The following CMKLR2 variants were observed in gnomAD, a reference collection of about 807,000 sequenced individuals.
CMKLR2 encodes the protein chemerin-like receptor 2.
Under a neutral mutation model 23.0 loss-of-function variants are expected in CMKLR2, and 18 were observed. The observed-to-expected ratio is 0.78, with a 90% CI of 0.54 to 1.16. The LOEUF (loss-of-function observed/expected upper bound fraction) is 1.16. Among genes scored for constraint, CMKLR2 ranks in the 50% most tolerant of loss-of-function variants. The probability of loss-of-function intolerance (pLI) is 0.00; values close to 1 mark genes in which losing one functional copy is unlikely to be tolerated. For synonymous variants in CMKLR2, 158 were observed against 158.9 expected, an observed-to-expected ratio of 0.99 and a Z score of 0.05; for missense variants, 401 against 412.7, an observed-to-expected ratio of 0.97 and a Z score of 0.25.
intron 1 of CMKLR2, among the ~76,000 whole-genome samples, chr2:206,181,705 C>T (rs920975320): frequency 1.3e-5 from 2 of 152,148 alleles, no homozygotes; most frequent in Non-Finnish European, 2.9e-5. Context: ...ATAATCCCAG[C>T]ACTTCGGGAG....
At chr2:206,178,108 A>T (rs898329078) in intron 1 of CMKLR2, among the ~76,000 whole-genome samples, 2 of 152,118 alleles carry the variant, frequency 1.3e-5, no homozygotes, top group Non-Finnish European at 2.9e-5. Flanking sequence ...CAAAAAATAA[A>T]TTTTTAAAAT....
At chr2:206,195,591 C>T (rs1323694234) in intron 1 of CMKLR2, among the ~76,000 whole-genome samples, 7 of 152,252 alleles carry the variant, frequency 4.6e-5, no homozygotes, top group South Asian at 4.1e-4. Flanking sequence ...TAATGGATAT[C>T]GTTTTTGAGC....
chr2:206,187,280 A>T (rs748205905), intron 1 of CMKLR2, among the ~76,000 whole-genome samples: 1 of 152,098 alleles, frequency 6.6e-6, no homozygotes, highest in African/African-American at 2.4e-5. Context: ...ATGAGACTCC[A>T]TCTCAAAAAA....
At chr2:206,196,288 C>T (rs1053044605) in intron 1 of CMKLR2, among the ~76,000 whole-genome samples, 4 of 152,004 alleles carry the variant, frequency 2.6e-5, no homozygotes, top group African/African-American at 9.7e-5. Context: ...GCAGGAGAAT[C>T]GCTGGAACCC....
intron 1 of CMKLR2, among the ~76,000 whole-genome samples, chr2:206,188,621 C>T (rs560474817): frequency 6.6e-5 from 10 of 152,216 alleles, no homozygotes; most frequent in Admixed American, 2.6e-4. Flanking sequence ...TTCAGAGAAC[C>T]TCTATGAAGT....
intron 1 of CMKLR2, among the ~76,000 whole-genome samples, chr2:206,182,519 T>C (rs930763129): frequency 5.9e-5 from 9 of 152,222 alleles, no homozygotes; most frequent in African/African-American, 1.9e-4. Flanking sequence ...TAAGAAATGA[T>C]TGGCTCCCAT....
In CMKLR2 at chr2:206,176,459, G is replaced by T. The variant is rs1335817851; in HGVS notation, c.789C>A (p.His263Gln). ...TGGTGAGCTCCCAAATGCTAAACAGGTGATAAGGAGTCCAGCAAACCACAA... is the reference window on the plus strand; with the variant it reads ...TGGTGAGCTCCCAAATGCTAAACAGTTGATAAGGAGTCCAGCAAACCACAA... ...VAFVVCWTPY[H>Q]LFSIWELTIH... The change falls in exon 2 of 2, where the codon CAC becomes CAA. Residue 263 changes from histidine to glutamine, a missense_variant. Coordinates refer to ENST00000621141, the MANE Select transcript of CMKLR2 (RefSeq NM_001389445.1). 7 of 1,614,030 alleles carry T rather than the reference G, an allele frequency of 4.3e-6. No homozygotes were observed. Among genetic ancestry groups the T allele is most frequent in the Admixed American group, 1.7e-5 (1 of 59,990 alleles).
Position 206,176,388 on chromosome 2 carries a change from G to T in CMKLR2, c.860C>A (p.Pro287His), listed in dbSNP as rs1403989213. 6.2e-7 allele frequency: 1 copy of T among 1,614,144 alleles called. No homozygotes were observed. The highest frequency in any genetic ancestry group is 8.5e-7 in the Non-Finnish European group (1 of 1,180,036). ...GAGGAATGCCAAACCAGTGGAGAGG[G>T]GGATTCCAGCCTGCATCACATGGTG... ...YSHHVMQAGI[P>H]LSTGLAFLNS... Residue 287 changes from proline to histidine, a missense_variant, in exon 2 of 2, where the codon CCC (proline) becomes CAC (histidine). Coordinates refer to ENST00000621141, the MANE Select transcript of CMKLR2 (RefSeq NM_001389445.1).
intron 1 of CMKLR2, among the ~76,000 whole-genome samples, chr2:206,188,160 C>T (rs544618837): frequency 1.3e-5 from 2 of 152,282 alleles, no homozygotes; most frequent in East Asian, 1.9e-4. Flanking sequence ...CCTTGAACTC[C>T]TGACCTCAAG....
intron 1 of CMKLR2, among the ~76,000 whole-genome samples, chr2:206,178,711 C>T (rs10209835): frequency 0.026 from 3,976 of 152,088 alleles, 171 homozygotes; most frequent in African/African-American, 0.091. Flanking sequence ...ATGCATGGCA[C>T]GATCTCGGCT....
At position 206,176,597 on chromosome 2, in the gene CMKLR2, GAAGA is replaced by G; in HGVS notation, c.647_650del (p.Leu216ProfsTer4). The G allele has an allele frequency of 6.2e-7, 1 of 1,614,146 alleles. No homozygotes were observed. Among genetic ancestry groups the G allele is most frequent in the Non-Finnish European group, 8.5e-7 (1 of 1,180,032 alleles). On this transcript the variant is annotated frameshift_variant, in exon 2 of 2. Transcript: ENST00000621141. LOFTEE classifies it high-confidence loss of function. ...AGCAAATACTCATTGTTAGCAAAGG[GAAGA>G]GATAGCCAATGATAAATTTCACCCA...
intron 1 of CMKLR2, among the ~76,000 whole-genome samples, chr2:206,195,357 C>T (rs1466155344): frequency 1.3e-5 from 2 of 152,074 alleles, no homozygotes. Flanking sequence ...GCATAATAGT[C>T]AAGAAAATTT....
Position 206,175,885 on chromosome 2 carries a change from C to T in CMKLR2, c.*295G>A, listed in dbSNP as rs1293690753. ...ATTGCTTCAAAAGTGATTAATTCAC[C>T]ATGGTATAATTAACAAGAATGATGC... On this transcript the variant is annotated 3_prime_UTR_variant, in exon 2 of 2. Transcript: ENST00000621141. 4.0e-6 allele frequency: 1 copy of T among 251,842 alleles called. No homozygotes were observed. Among genetic ancestry groups the T allele is most frequent in the African/African-American group, 2.2e-5 (1 of 44,760 alleles). The allele number at this position is 251,842 out of a possible 1,614,324, so 15.6% of individuals were successfully genotyped here. A position where few individuals can be genotyped will look rare whatever the true frequency, so the allele number is the denominator to read the frequency against.
chr2:206,184,919 T>G (rs1296017219), intron 1 of CMKLR2, among the ~76,000 whole-genome samples: 1 of 152,208 alleles, frequency 6.6e-6, no homozygotes, highest in South Asian at 2.1e-4. Context: ...TATTAAAAGA[T>G]GGTAAGTACT....
intron 1 of CMKLR2, among the ~76,000 whole-genome samples, chr2:206,190,178 G>A (rs1688705300): frequency 6.6e-6 from 1 of 152,096 alleles, no homozygotes; most frequent in South Asian, 2.1e-4. Context: ...ATTACTTAAT[G>A]CCAGGCATTA....
At chr2:206,207,728 C>CTGTTTTTTTTT (rs1689382428) in intron 1 of CMKLR2, among the ~76,000 whole-genome samples, 1 of 43,582 alleles carries the variant, frequency 2.3e-5, no homozygotes, top group Non-Finnish European at 3.7e-5. Flanking sequence ...ACCTCAGGGC[C>CTGTTTTTTTTT]TTTTTTTTTT....
chr2:206,198,723 G>T (rs1688996138), intron 1 of CMKLR2, among the ~76,000 whole-genome samples: 1 of 152,122 alleles, frequency 6.6e-6, no homozygotes, highest in Admixed American at 6.6e-5. Flanking sequence ...CCACAGAAAA[G>T]AAAAATTATT....
chr2:206,205,277 T>C (rs1574326584), intron 1 of CMKLR2, among the ~76,000 whole-genome samples: 2 of 152,248 alleles, frequency 1.3e-5, no homozygotes, highest in East Asian at 3.8e-4. Context: ...CTTGTAAATG[T>C]TCAAATAACA....
intron 1 of CMKLR2, among the ~76,000 whole-genome samples, chr2:206,204,557 T>C (rs1689241214): frequency 6.6e-6 from 1 of 151,730 alleles, no homozygotes; most frequent in Admixed American, 6.6e-5. Context: ...TTGTTTTTTG[T>C]TTTTGTTTTT....
Sources: allele counts gnomAD v4.1 joint callset (sites outside exome capture counted in the v4.1 genomes callset), GRCh38; gene constraint gnomAD v4.1.1; transcripts MANE v1.5; gene names NCBI Gene and HGNC (gene_info 2026-07-23, HGNC 2026-07-21).